Variants in TNFSF11 observed in about 807,000 individuals in gnomAD.
TNFSF11 encodes tumor necrosis factor ligand superfamily member 11.
In TNFSF11, 12 loss-of-function variants were observed where a neutral mutation model predicts 32.2. The ratio of observed to expected loss-of-function variants is 0.37; its 90% CI spans 0.24 to 0.60. The LOEUF (loss-of-function observed/expected upper bound fraction) is 0.60, where lower values mean the gene tolerates loss of function less well. Ranked by LOEUF, TNFSF11 falls within the 20% of genes least tolerant of loss-of-function variation. The probability of loss-of-function intolerance (pLI) is 0.66; values close to 1 mark genes in which losing one functional copy is unlikely to be tolerated. For synonymous variants in TNFSF11, 172 were observed against 152.1 expected (o/e 1.13, Z -0.96); for missense variants, 345 against 398.0 (o/e 0.87, Z 1.13).
Position 42,599,329 on chromosome 13 carries a change from CT to C in TNFSF11, c.388-1422del, listed in dbSNP as rs541980508. Among the ~76,000 whole-genome samples the C allele has an allele frequency of 9.0e-3, 1,282 of 142,342 alleles. 6 individuals are homozygous for C. The highest frequency in any genetic ancestry group is 0.013 in the Non-Finnish European group (843 of 64,546). The allele number at this position is 142,342 out of a possible 152,430, so 93.4% of individuals were successfully genotyped here. Reference sequence around the variant, plus strand: ...TCTATCTATCTATCTATCTATCTATCTATCTATCTATCTATCTATCATCTAT... The same window carrying C: ...TCTATCTATCTATCTATCTATCTATCATCTATCTATCTATCTATCATCTAT... On this transcript the variant is annotated intron_variant, in intron 2 of 4. Transcript: ENST00000398795.
At chr13:42,581,672 C>G (rs139649656) in intron 2 of TNFSF11, among the ~76,000 whole-genome samples, 1 of 152,130 alleles carries the variant, frequency 6.6e-6, no homozygotes, top group African/African-American at 2.4e-5. Context: ...TAGCTGTTTC[C>G]TTTCTGTTTG....
chr13:42,586,339 T>G (rs998666101), intron 2 of TNFSF11, among the ~76,000 whole-genome samples: 4 of 152,238 alleles, frequency 2.6e-5, no homozygotes, highest in African/African-American at 9.6e-5. Context: ...CTCTGTAAAC[T>G]AATATTTTAC....
chr13:42,598,530 A>G (rs1868947390), intron 2 of TNFSF11, among the ~76,000 whole-genome samples: 1 of 152,214 alleles, frequency 6.6e-6, no homozygotes. Context: ...GGAAATAAGA[A>G]ACTGCTATCA....
At chr13:42,571,923 T>C (rs921681484), upstream of TNFSF11, among the ~76,000 whole-genome samples, 14 of 152,206 alleles carry the variant, frequency 9.2e-5, no homozygotes, top group Admixed American at 7.9e-4. Flanking sequence ...ATGCACCTAC[T>C]ATAGCAGGCA....
rs1873184538 is a variant in TNFSF11 at position 42,574,229 on chromosome 13, C to A, written c.-75C>A. ...CCACGTCGAGGCTCCGCCGCAGCCTCCGGAGTTGGCCGCAGACAAGAAGGG... is the reference window on the plus strand; with the variant it reads ...CCACGTCGAGGCTCCGCCGCAGCCTACGGAGTTGGCCGCAGACAAGAAGGG... On this transcript the variant is annotated 5_prime_UTR_variant, in exon 1 of 5. Transcript: ENST00000398795. 5.9e-6 allele frequency: 9 copies of A among 1,522,542 alleles called. No individual in the cohort carries two copies. The highest frequency in any genetic ancestry group is 5.5e-5 in the African/African-American group (4 of 72,280). The allele number at this position is 1,522,542 out of a possible 1,614,324, so 94.3% of individuals were successfully genotyped here. A position where few individuals can be genotyped will look rare whatever the true frequency, so the allele number is the denominator to read the frequency against.
At position 42,584,556 on chromosome 13, in the gene TNFSF11, T is replaced by C. The variant is rs1873791729; in HGVS notation, c.387+3263T>C. Among the ~76,000 whole-genome samples the C allele has an allele frequency of 2.0e-5, 3 of 152,208 alleles. No homozygotes were observed. The South Asian group carries it at 6.2e-4, about 32-fold the overall frequency. ...CCTTAGGTAGTATGGAAAAGCAATTTGTATGTAAAGGTGTTAGTGAGCAAT... is the reference window on the plus strand; with the variant it reads ...CCTTAGGTAGTATGGAAAAGCAATTCGTATGTAAAGGTGTTAGTGAGCAAT... On this transcript the variant is annotated intron_variant, in intron 2 of 4. Transcript: ENST00000398795.
intron 1 of TNFSF11, among the ~76,000 whole-genome samples, chr13:42,577,571 C>T (rs1873384155): frequency 6.6e-6 from 1 of 152,088 alleles, no homozygotes; most frequent in Non-Finnish European, 1.5e-5. Flanking sequence ...CTTTAACATC[C>T]ATATAACCAT....
upstream of TNFSF11, chr13:42,574,090 A>G: frequency 1.7e-6 from 1 of 595,942 alleles, no homozygotes; most frequent in Non-Finnish European, 2.9e-6. Context: ...CCTGGGGCTG[A>G]TTGGCTCCCG....
chr13:42,565,089 T>C (rs1872822087), intron 1 of TNFSF11, among the ~76,000 whole-genome samples: 1 of 152,240 alleles, frequency 6.6e-6, no homozygotes. Context: ...TCTGTGTTTA[T>C]GCTTGACAAA....
chr13:42,586,764 C>A (rs1037792462), intron 2 of TNFSF11, among the ~76,000 whole-genome samples: 5 of 152,186 alleles, frequency 3.3e-5, no homozygotes, highest in African/African-American at 9.7e-5. Context: ...GCCTTTGAGT[C>A]TCTAAAGACT....
chr13:42,571,173 C>G (rs917427274), upstream of TNFSF11, among the ~76,000 whole-genome samples: 4 of 152,032 alleles, frequency 2.6e-5, no homozygotes, highest in Non-Finnish European at 4.4e-5. Context: ...GAGGGAGCCA[C>G]CTGGGTGAGG....
intron 2 of TNFSF11, among the ~76,000 whole-genome samples, chr13:42,590,556 T>C (rs773454703): frequency 5.9e-5 from 9 of 152,180 alleles, no homozygotes; most frequent in Non-Finnish European, 1.2e-4. Flanking sequence ...TGAGGATTTG[T>C]CAATGTAGAA....
At chr13:42,578,018 A>G (rs1040688865) in intron 1 of TNFSF11, among the ~76,000 whole-genome samples, 1 of 152,218 alleles carries the variant, frequency 6.6e-6, no homozygotes, top group Non-Finnish European at 1.5e-5. Flanking sequence ...TTCCTCAATG[A>G]AGTGTAAGTT....
intron 2 of TNFSF11, among the ~76,000 whole-genome samples, chr13:42,586,082 GTACAA>G (rs1873883592): frequency 6.6e-6 from 1 of 152,148 alleles, no homozygotes; most frequent in Non-Finnish European, 1.5e-5. Context: ...ATTTTGGAAT[GTACAA>G]ATATACGAGA....
intron 4 of TNFSF11, among the ~76,000 whole-genome samples, chr13:42,604,976 G>A (rs1455282422): frequency 2.6e-5 from 4 of 151,908 alleles, no homozygotes; most frequent in Non-Finnish European, 4.4e-5. Flanking sequence ...GTAGAGATGG[G>A]GTTTCACCAT....
intron 1 of TNFSF11, among the ~76,000 whole-genome samples, 154 bp from the exon 2 acceptor site, chr13:42,580,972 T>G (rs1465377897): frequency 6.6e-6 from 1 of 152,234 alleles, no homozygotes; most frequent in Non-Finnish European, 1.5e-5. Flanking sequence ...AGTCAACGTT[T>G]TCACCATCTT....
intron 2 of TNFSF11, among the ~76,000 whole-genome samples, chr13:42,590,814 A>G (rs1222805572): frequency 6.6e-6 from 1 of 152,248 alleles, no homozygotes; most frequent in Non-Finnish European, 1.5e-5. Flanking sequence ...AAGCTTTCTC[A>G]TTTAAACCAT....
At position 42,574,628 on chromosome 13, in the gene TNFSF11, T is replaced by A. The variant is rs1171459332; in HGVS notation, c.219+106T>A. 11 of 1,359,988 alleles carry A rather than the reference T, an allele frequency of 8.1e-6. No homozygotes were observed. The East Asian group carries it at 2.5e-4, about 30-fold the overall frequency. The allele number at this position is 1,359,988 out of a possible 1,614,324, so 84.2% of individuals were successfully genotyped here. ...AGGGCTGGGCCACCCAGAGCTTGCATATTCCGGAAGGGAAAGTGACTCCAG... is the reference window on the plus strand; with the variant it reads ...AGGGCTGGGCCACCCAGAGCTTGCAAATTCCGGAAGGGAAAGTGACTCCAG... On this transcript the variant is annotated intron_variant, in intron 1 of 4. Transcript: ENST00000398795.
rs1380342808 is a variant in TNFSF11, at chr13:42,607,688, C to CT, written c.*772dup. The CT allele has an allele frequency of 6.6e-6, 1 of 152,640 alleles. No homozygotes were observed. Among genetic ancestry groups the CT allele is most frequent in the Non-Finnish European group, 1.5e-5 (1 of 68,020 alleles). The allele number at this position is 152,640 out of a possible 1,614,324, so 9.5% of individuals were successfully genotyped here. A position where few individuals can be genotyped will look rare whatever the true frequency, so the allele number is the denominator to read the frequency against. On this transcript the variant is annotated 3_prime_UTR_variant, in exon 5 of 5. Transcript: ENST00000398795. ...TGTGCAAAAAAATTAAAATGGATGC[C>CT]TTGAATAATAAGCAGGATGTTGGCC...
Sources: gnomAD v4.1 joint callset for allele counts (sites outside exome capture counted in the v4.1 genomes callset) on GRCh38, gnomAD v4.1.1 for gene constraint, MANE v1.5 for transcripts, NCBI Gene and HGNC (gene_info 2026-07-23, HGNC 2026-07-21) for gene names.